The following AR variants were observed in gnomAD, a reference collection of about 807,000 sequenced individuals.
AR encodes androgen receptor.
A neutral mutation model predicts 53.9 loss-of-function variants in AR; 8 were observed. The observed-to-expected ratio is 0.15, with a 90% CI of 0.09 to 0.27. AR has a LOEUF of 0.27. Ranked by LOEUF, AR falls within the 10% of genes least tolerant of loss-of-function variation. The probability of loss-of-function intolerance (pLI) is 1.00; values close to 1 mark genes in which losing one functional copy is unlikely to be tolerated. For synonymous variants in AR, 359 were observed against 316.4 expected, an observed-to-expected ratio of 1.13 and a Z score of -1.43; for missense variants, 639 against 742.5, an observed-to-expected ratio of 0.86 and a Z score of 1.62.
intron 2 of AR, among the ~76,000 whole-genome samples, chrX:67,659,982 T>G (rs1316854704): frequency 1.8e-5 from 2 of 112,484 alleles, no homozygotes; most frequent in African/African-American, 6.5e-5. Context: ...TGAGCATTTT[T>G]TCATGTGTCT....
At chrX:67,670,524 A>G (rs1281533571) in intron 2 of AR, among the ~76,000 whole-genome samples, 6 of 107,128 alleles carry the variant, frequency 5.6e-5, no homozygotes, top group Non-Finnish European at 1.1e-4. Context: ...AATATATTAT[A>G]TATATACTAC....
intron 1 of AR, among the ~76,000 whole-genome samples, chrX:67,547,998 G>A (rs767764702): frequency 8.9e-6 from 1 of 112,364 alleles, no homozygotes; most frequent in East Asian, 2.8e-4. Flanking sequence ...AGGGAGGACA[G>A]ACTGAATTGG....
At chrX:67,646,312 G>C (rs748605090) in intron 2 of AR, among the ~76,000 whole-genome samples, 1 of 111,165 alleles carries the variant, frequency 9.0e-6, no homozygotes, top group Non-Finnish European at 1.9e-5. Context: ...CTCCTTGTCA[G>C]TAATGTTGGA....
At chrX:67,695,787 T>TCC (rs201232555) in intron 3 of AR, 10 of 705,136 alleles carry the variant, frequency 1.4e-5, no homozygotes, top group African/African-American at 8.5e-5. Context: ...TCTCTCTCTC[T>TCC]CCCCCCCCAA....
chrX:67,623,921 A>C (rs1924492291), intron 1 of AR, among the ~76,000 whole-genome samples: 1 of 111,287 alleles, frequency 9.0e-6, no homozygotes, highest in Non-Finnish European at 1.9e-5. Context: ...TATGAAGAAA[A>C]GCGCTTTAAT....
In AR at chrX:67,546,502, TGGTGGG is replaced by T. The variant is rs1159488234; in HGVS notation, c.1362_1367del (p.Gly472_Gly473del). On this transcript the variant is annotated inframe_deletion, in exon 1 of 8. Transcript: ENST00000374690. ...GCCAGTTGTATGGACCGTGTGGTGGTGGTGGGGGTGGTGGCGGCGGCGGCGGCGGCG... is the reference window on the plus strand; with the variant it reads ...GCCAGTTGTATGGACCGTGTGGTGGTGGTGGTGGCGGCGGCGGCGGCGGCG... 2 of 786,229 alleles carry T rather than the reference TGGTGGG, an allele frequency of 2.5e-6. No homozygotes were observed. The highest frequency in any genetic ancestry group is 4.6e-5 in the Admixed American group (1 of 21,880). 64.8% of individuals were successfully genotyped at this position (786,229 alleles called of 1,213,427 possible). A position where few individuals can be genotyped will look rare whatever the true frequency, so the allele number is the denominator to read the frequency against.
intron 1 of AR, among the ~76,000 whole-genome samples, chrX:67,602,431 A>G (rs1490359199): frequency 8.9e-6 from 1 of 112,331 alleles, no homozygotes; most frequent in Non-Finnish European, 1.9e-5. Context: ...AGGCTTTGTT[A>G]TATGGCACAG....
intron 2 of AR, among the ~76,000 whole-genome samples, chrX:67,665,439 A>G (rs775023619): frequency 1.8e-5 from 2 of 112,233 alleles, no homozygotes; most frequent in Admixed American, 9.4e-5. Flanking sequence ...AGAAAATAAA[A>G]ATAGGATTAT....
At chrX:67,685,308 G>C (rs1416643803) in intron 2 of AR, among the ~76,000 whole-genome samples, 1 of 111,569 alleles carries the variant, frequency 9.0e-6, no homozygotes, top group African/African-American at 3.3e-5. Flanking sequence ...CTCTAGGTCT[G>C]AGCATGTGTA....
intron 2 of AR, among the ~76,000 whole-genome samples, chrX:67,661,986 T>C (rs971818760): frequency 8.9e-6 from 1 of 112,055 alleles, no homozygotes; most frequent in African/African-American, 3.2e-5. Flanking sequence ...CATACAGGTG[T>C]TTATAGTATG....
chrX:67,561,861 T>G (rs1357645769), intron 1 of AR, among the ~76,000 whole-genome samples: 3 of 109,845 alleles, frequency 2.7e-5, no homozygotes, highest in African/African-American at 1.0e-4. Flanking sequence ...AGAAGTTAGA[T>G]GTTTTTCTGT....
intron 2 of AR, among the ~76,000 whole-genome samples, chrX:67,660,479 C>T (rs1350723024): frequency 9.0e-6 from 1 of 111,564 alleles, no homozygotes; most frequent in Non-Finnish European, 1.9e-5. Flanking sequence ...GAATCCTTTC[C>T]CCATTTCTTG....
intron 1 of AR, among the ~76,000 whole-genome samples, chrX:67,580,747 T>C (rs917157872): frequency 9.0e-6 from 1 of 111,417 alleles, no homozygotes; most frequent in Non-Finnish European, 1.9e-5. Flanking sequence ...TCCTTTGAAG[T>C]GCCTATTCCA....
At chrX:67,651,310 G>A (rs920039982) in intron 2 of AR, among the ~76,000 whole-genome samples, 5 of 109,019 alleles carry the variant, frequency 4.6e-5, no homozygotes, top group Admixed American at 4.0e-4. Context: ...GCCTCCCAAA[G>A]TGCTGGGATT....
chrX:67,730,077 A>G lies in AR; in HGVS notation c.*6236A>G, dbSNP rs2076173827. 2 of 173,549 alleles carry G rather than the reference A, an allele frequency of 1.2e-5. No homozygotes were observed. The highest frequency in any genetic ancestry group is 3.2e-4 in the South Asian group (1 of 3,141). The allele number at this position is 173,549 out of a possible 1,213,427, so 14.3% of individuals were successfully genotyped here. ...ACATTGATTAGGGAGTGCCTCAGAC[A>G]TGACATTCTTGTGCTGTCCTTGGAA... On this transcript the variant is annotated 3_prime_UTR_variant, in exon 8 of 8. Coordinates refer to ENST00000374690, the MANE Select transcript of AR (RefSeq NM_000044.6).
chrX:67,642,233 G>A (rs891247985), intron 1 of AR, among the ~76,000 whole-genome samples: 3 of 111,918 alleles, frequency 2.7e-5, no homozygotes, highest in Non-Finnish European at 3.8e-5. Context: ...AACCCAGAAT[G>A]TCACTTGAGT....
chrX:67,561,928 GTTTTTTTTTTTTT>G (rs757161392), intron 1 of AR, among the ~76,000 whole-genome samples: 2 of 78,271 alleles, frequency 2.6e-5, no homozygotes, highest in African/African-American at 5.6e-5. Flanking sequence ...AACGAAAGAG[GTTTTTTTTTTTTT>G]TTTTTTTTTT....
At position 67,728,707 on chromosome X, in the gene AR, A is replaced by G. The variant is rs1252107493; in HGVS notation, c.*4866A>G. Reference sequence around the variant, plus strand: ...TGATGCCATGTACTTGTGAGAGAGGATGCAGTTTTGTTTTGGAAGCTCTCT... The same window carrying G: ...TGATGCCATGTACTTGTGAGAGAGGGTGCAGTTTTGTTTTGGAAGCTCTCT... On this transcript the variant is annotated 3_prime_UTR_variant, in exon 8 of 8. Transcript: ENST00000374690. 7.5e-6 allele frequency: 1 copy of G among 133,595 alleles called. No individual in the cohort carries two copies. Among genetic ancestry groups the G allele is most frequent in the African/African-American group, 3.4e-5 (1 of 29,147 alleles). 11.0% of individuals were successfully genotyped at this position (133,595 alleles called of 1,213,427 possible). A position where few individuals can be genotyped will look rare whatever the true frequency, so the allele number is the denominator to read the frequency against.
intron 2 of AR, among the ~76,000 whole-genome samples, chrX:67,683,919 T>G (rs1269578823): frequency 9.0e-6 from 1 of 111,429 alleles, no homozygotes; most frequent in Admixed American, 9.6e-5. Context: ...CCTCTCTCAT[T>G]CACAGAGTGA....
Sources: gnomAD v4.1 joint callset for allele counts (sites outside exome capture counted in the v4.1 genomes callset) on GRCh38, gnomAD v4.1.1 for gene constraint, MANE v1.5 for transcripts, NCBI Gene and HGNC (gene_info 2026-07-23, HGNC 2026-07-21) for gene names.